CSNK1G1: variants seen among roughly 807,000 people sequenced by gnomAD.
CSNK1G1 encodes casein kinase 1 gamma 1, also known as casein kinase I isoform gamma-1.
Under a neutral mutation model 59.6 loss-of-function variants are expected in CSNK1G1, and 22 were observed. The ratio of observed to expected loss-of-function variants is 0.37; its 90% CI spans 0.26 to 0.53. CSNK1G1 has a LOEUF of 0.53. CSNK1G1 is among the 20% of genes least tolerant of loss of function. The pLI is 0.89. For missense variants in CSNK1G1, 384 were observed against 519.5 expected, an observed-to-expected ratio of 0.74 and a Z score of 2.54; for synonymous variants, 179 against 177.1, an observed-to-expected ratio of 1.01 and a Z score of -0.08.
intron 1 of CSNK1G1, among the ~76,000 whole-genome samples, chr15:64,355,158 A>C (rs958500663): frequency 3.9e-5 from 6 of 152,182 alleles, no homozygotes; most frequent in African/African-American, 1.4e-4. Flanking sequence ...TGGTTTCCCC[A>C]GTCCATTCTT....
intron 3 of CSNK1G1, among the ~76,000 whole-genome samples, chr15:64,255,926 C>T (rs1892351056): frequency 6.6e-6 from 1 of 152,126 alleles, no homozygotes; most frequent in African/African-American, 2.4e-5. Flanking sequence ...ATAAAATCAG[C>T]AATCATTAGA....
chr15:64,320,634 G>A (rs1031434814), intron 1 of CSNK1G1, among the ~76,000 whole-genome samples: 3 of 147,158 alleles, frequency 2.0e-5, no homozygotes, highest in Admixed American at 6.9e-5. Flanking sequence ...AGCTGAGATC[G>A]TGTCAATGTA....
intron 1 of CSNK1G1, chr15:64,342,391 G>T (rs1340403699): frequency 6.6e-6 from 1 of 152,152 alleles, no homozygotes; most frequent in Non-Finnish European, 1.5e-5. Context: ...ACTATTATTA[G>T]TATTATGTTT....
At chr15:64,203,541 T>C (rs1046100035) in intron 9 of CSNK1G1, among the ~76,000 whole-genome samples, 6 of 151,428 alleles carry the variant, frequency 4.0e-5, no homozygotes, top group African/African-American at 1.5e-4. Context: ...CTACTAAAAA[T>C]ACAAAATTAG....
chr15:64,242,252 C>T (rs1891507360), intron 4 of CSNK1G1, among the ~76,000 whole-genome samples: 1 of 152,118 alleles, frequency 6.6e-6, no homozygotes, highest in African/African-American at 2.4e-5. Context: ...TGATATAGTT[C>T]AAATATTTGT....
At chr15:64,326,989 G>A (rs1272218125) in intron 1 of CSNK1G1, among the ~76,000 whole-genome samples, 37 of 151,418 alleles carry the variant, frequency 2.4e-4, no homozygotes, top group South Asian at 4.3e-4. Flanking sequence ...GGCGCACCAC[G>A]AGACTATATC....
At chr15:64,238,518 A>ATATATAT (rs1331534551) in intron 4 of CSNK1G1, among the ~76,000 whole-genome samples, 11 of 49,238 alleles carry the variant, frequency 2.2e-4, no homozygotes, top group Admixed American at 3.1e-4. Flanking sequence ...AAAAAAAAAA[A>ATATATAT]ATATATATAT....
chr15:64,225,183 AT>A (rs1179347608), intron 4 of CSNK1G1, among the ~76,000 whole-genome samples: 1 of 151,598 alleles, frequency 6.6e-6, no homozygotes, highest in Non-Finnish European at 1.5e-5. Context: ...TAATTTTTGC[AT>A]TTTTAGTAGA....
At chr15:64,231,580 C>T (rs2082550270) in intron 4 of CSNK1G1, among the ~76,000 whole-genome samples, 1 of 151,622 alleles carries the variant, frequency 6.6e-6, no homozygotes, top group South Asian at 2.1e-4. Flanking sequence ...AATGCATGAA[C>T]AGAGACATAG....
chr15:64,231,011 T>G (rs1291658410), intron 4 of CSNK1G1, among the ~76,000 whole-genome samples: 2 of 151,064 alleles, frequency 1.3e-5, no homozygotes, highest in African/African-American at 4.9e-5. Context: ...TAAAATAAAA[T>G]TGCAGGTTAT....
intron 10 of CSNK1G1, among the ~76,000 whole-genome samples, chr15:64,183,093 GTC>G (rs1339599669): frequency 1.3e-5 from 2 of 152,200 alleles, no homozygotes; most frequent in Non-Finnish European, 2.9e-5. Flanking sequence ...TAAATAAAAT[GTC>G]TTGGCTTCTA....
intron 10 of CSNK1G1, among the ~76,000 whole-genome samples, chr15:64,190,102 G>A (rs904544892): frequency 2.6e-5 from 4 of 152,056 alleles, no homozygotes; most frequent in Non-Finnish European, 4.4e-5. Context: ...TTACAGGCGT[G>A]AGCCACCACG....
At chr15:64,196,024 G>GT (rs2082033952) in intron 10 of CSNK1G1, among the ~76,000 whole-genome samples, 2 of 152,184 alleles carry the variant, frequency 1.3e-5, no homozygotes, top group African/African-American at 4.8e-5. Context: ...GAGCCCAGGA[G>GT]TTTGAGACCA....
intron 10 of CSNK1G1, 76 bp downstream of exon 10, chr15:64,203,006 G>A: frequency 9.7e-7 from 1 of 1,028,146 alleles, no homozygotes; most frequent in Admixed American, 1.9e-5. Flanking sequence ...CTAAAGCGGA[G>A]AAGCTGAAGA....
At chr15:64,244,719 C>T (rs1322254099) in intron 4 of CSNK1G1, among the ~76,000 whole-genome samples, 1 of 151,786 alleles carries the variant, frequency 6.6e-6, no homozygotes, top group African/African-American at 2.4e-5. Context: ...CCCACCTCTA[C>T]AAAAAATTAG....
At chr15:64,347,352 T>A (rs1339216245) in intron 1 of CSNK1G1, among the ~76,000 whole-genome samples, 1 of 152,162 alleles carries the variant, frequency 6.6e-6, no homozygotes, top group Admixed American at 6.5e-5. Flanking sequence ...CATGTATGTT[T>A]ATACCAGCTT....
intron 2 of CSNK1G1, among the ~76,000 whole-genome samples, chr15:64,293,083 A>G (rs1428371388): frequency 6.6e-6 from 1 of 152,178 alleles, no homozygotes; most frequent in Non-Finnish European, 1.5e-5. Context: ...GGCCTGATTC[A>G]GCAGAAGGCT....
intron 1 of CSNK1G1, among the ~76,000 whole-genome samples, chr15:64,338,700 CAAAAAAAAAAAAA>C (rs34206192): frequency 1.3e-4 from 4 of 31,532 alleles, no homozygotes; most frequent in East Asian, 1.4e-3. Context: ...AACTCGGTCT[CAAAAAAAAAAAAA>C]AAAAAAAAAA....
At chr15:64,332,400 C>T (rs1252315510) in intron 1 of CSNK1G1, among the ~76,000 whole-genome samples, 2 of 141,022 alleles carry the variant, frequency 1.4e-5, no homozygotes, top group African/African-American at 2.6e-5. Flanking sequence ...TGGAAACCAT[C>T]ATTCTCAGTA....
Sources: gnomAD v4.1 joint callset for allele counts (sites outside exome capture counted in the v4.1 genomes callset) on GRCh38, gnomAD v4.1.1 for gene constraint, MANE v1.5 for transcripts, NCBI Gene and HGNC (gene_info 2026-07-23, HGNC 2026-07-21) for gene names.